Variants in CNTN4 observed in about 807,000 individuals in gnomAD.
CNTN4 encodes the protein contactin 4.
A neutral mutation model predicts 122.5 loss-of-function variants in CNTN4; 77 were observed. That is an observed-to-expected ratio of 0.63 (90% CI 0.52 to 0.76). The LOEUF (loss-of-function observed/expected upper bound fraction) is 0.76. Ranked by LOEUF, CNTN4 falls within the 30% of genes least tolerant of loss-of-function variation. The pLI, the probability that CNTN4 is intolerant of heterozygous loss-of-function variation, is 0.00. For missense variants in CNTN4, 1,256 were observed against 1,259.1 expected, an observed-to-expected ratio of 1.00 and a Z score of 0.04; for synonymous variants, 512 against 447.0, an observed-to-expected ratio of 1.15 and a Z score of -1.83.
intron 3 of CNTN4, among the ~76,000 whole-genome samples, chr3:2,420,094 G>T (rs569957588): frequency 6.6e-6 from 1 of 152,140 alleles, no homozygotes; most frequent in Admixed American, 6.6e-5. Flanking sequence ...CAAGCATTGT[G>T]ACTCCCTGCA....
At chr3:2,636,940 G>GTTTTTTTTTTTT (rs34067643) in intron 4 of CNTN4, among the ~76,000 whole-genome samples, 3 of 95,108 alleles carry the variant, frequency 3.2e-5, no homozygotes, top group Admixed American at 1.3e-4. Context: ...TTTTTTTTTG[G>GTTTTTTTTTTTT]TTTTTTTTTT....
intron 2 of CNTN4, among the ~76,000 whole-genome samples, chr3:2,116,810 G>GCAGATTTCAGCC (rs1458958579): frequency 1.3e-5 from 2 of 152,140 alleles, no homozygotes; most frequent in African/African-American, 4.8e-5. Context: ...ATCTAATGTT[G>GCAGATTTCAGCC]CAGATTTCAG....
At chr3:2,370,048 C>T (rs932870211) in intron 3 of CNTN4, among the ~76,000 whole-genome samples, 3 of 152,096 alleles carry the variant, frequency 2.0e-5, no homozygotes, top group Non-Finnish European at 4.4e-5. Context: ...AGTGCCCAGC[C>T]CTGGTAAACT....
chr3:2,843,977 C>T (rs1265182001), intron 7 of CNTN4, among the ~76,000 whole-genome samples: 1 of 152,168 alleles, frequency 6.6e-6, no homozygotes, highest in African/African-American at 2.4e-5. Flanking sequence ...TGGCCAGAAG[C>T]CCCCATAAAC....
chr3:2,719,950 C>T (rs1362056841), intron 4 of CNTN4, among the ~76,000 whole-genome samples: 1 of 152,048 alleles, frequency 6.6e-6, no homozygotes, highest in African/African-American at 2.4e-5. Context: ...TGTTCATTAA[C>T]TCATTCATTA....
intron 2 of CNTN4, among the ~76,000 whole-genome samples, chr3:2,123,118 A>G (rs140358009): frequency 2.6e-5 from 4 of 152,342 alleles, no homozygotes; most frequent in Admixed American, 1.3e-4. Context: ...ACCCTCAGCC[A>G]GACACAGTGG....
chr3:2,226,445 C>T (rs544552301), intron 2 of CNTN4, among the ~76,000 whole-genome samples: 1 of 152,244 alleles, frequency 6.6e-6, no homozygotes, highest in Admixed American at 6.5e-5. Flanking sequence ...AGAGCAGGAG[C>T]TACTGAAGTG....
At chr3:2,375,974 T>C (rs1325203080) in intron 3 of CNTN4, among the ~76,000 whole-genome samples, 1 of 152,144 alleles carries the variant, frequency 6.6e-6, no homozygotes, top group African/African-American at 2.4e-5. Flanking sequence ...TAATGGTTGA[T>C]ATATTTTTCT....
chr3:2,443,818 A>C (rs190394550), intron 3 of CNTN4, among the ~76,000 whole-genome samples: 11 of 152,046 alleles, frequency 7.2e-5, no homozygotes, highest in Non-Finnish European at 1.6e-4. Context: ...TTTTTTTCCC[A>C]TTTACTTAGT....
intron 4 of CNTN4, among the ~76,000 whole-genome samples, chr3:2,684,674 T>C (rs1052224727): frequency 5.9e-5 from 9 of 152,222 alleles, no homozygotes; most frequent in Non-Finnish European, 1.2e-4. Flanking sequence ...AAACGTTTTT[T>C]CTCTTCACTT....
chr3:2,803,084 A>G (rs770167340), intron 6 of CNTN4, among the ~76,000 whole-genome samples: 7 of 152,232 alleles, frequency 4.6e-5, no homozygotes, highest in Non-Finnish European at 8.8e-5. Flanking sequence ...AAGAACTCCA[A>G]TGAGTCAGTA....
chr3:2,196,025 G>T (rs2037816124), intron 2 of CNTN4, among the ~76,000 whole-genome samples: 1 of 152,128 alleles, frequency 6.6e-6, no homozygotes, highest in Non-Finnish European at 1.5e-5. Flanking sequence ...AAAATCTAGA[G>T]ATGATATAGA....
chr3:2,566,178 G>A (rs1347063093), intron 3 of CNTN4, among the ~76,000 whole-genome samples: 1 of 152,108 alleles, frequency 6.6e-6, no homozygotes, highest in Non-Finnish European at 1.5e-5. Flanking sequence ...TAGAGAGAAA[G>A]GAGTCACCAT....
At chr3:2,378,032 A>G (rs1334492983) in intron 3 of CNTN4, among the ~76,000 whole-genome samples, 1 of 152,252 alleles carries the variant, frequency 6.6e-6, no homozygotes, top group African/African-American at 2.4e-5. Flanking sequence ...TGGCATCGTT[A>G]CTGACTCTTG....
chr3:2,760,928 A>G (rs1004578019), intron 6 of CNTN4, among the ~76,000 whole-genome samples: 6 of 152,162 alleles, frequency 3.9e-5, no homozygotes, highest in Non-Finnish European at 7.4e-5. Context: ...AGCAGTCACT[A>G]TTTTACAGGC....
chr3:2,536,599 T>G (rs2077817763), intron 3 of CNTN4, among the ~76,000 whole-genome samples: 1 of 151,780 alleles, frequency 6.6e-6, no homozygotes. Context: ...TTTTTTTTTT[T>G]TTTTGGTAGA....
At chr3:2,153,557 A>C (rs2125416169) in intron 2 of CNTN4, among the ~76,000 whole-genome samples, 1 of 152,322 alleles carries the variant, frequency 6.6e-6, no homozygotes, top group African/African-American at 2.4e-5. Context: ...TAGAGAGCAA[A>C]GTAACTTTTT....
intron 3 of CNTN4, among the ~76,000 whole-genome samples, chr3:2,349,790 G>A (rs2044537731): frequency 6.6e-6 from 1 of 152,142 alleles, no homozygotes; most frequent in Admixed American, 6.5e-5. Flanking sequence ...AGATCTTGGA[G>A]TACTAATGGA....
At chr3:3,005,984 C>T (rs34979863) in intron 14 of CNTN4, among the ~76,000 whole-genome samples, 21,104 of 150,034 alleles carry the variant, frequency 0.14, 1,890 homozygotes, top group Admixed American at 0.29. Context: ...CTCCCAGGTT[C>T]ACGCCATTCT....
Sources: gnomAD v4.1 joint callset for allele counts (sites outside exome capture counted in the v4.1 genomes callset) on GRCh38, gnomAD v4.1.1 for gene constraint, MANE v1.5 for transcripts, NCBI Gene and HGNC (gene_info 2026-07-23, HGNC 2026-07-21) for gene names.